Variants in DHRSX observed in about 807,000 individuals in gnomAD.
DHRSX encodes the protein dehydrogenase/reductase X-linked, also known as polyprenol dehydrogenase.
In DHRSX, 31 loss-of-function variants were observed where a neutral mutation model predicts 34.0. That is an observed-to-expected ratio of 0.91 (90% CI 0.69 to 1.23). The LOEUF (loss-of-function observed/expected upper bound fraction) is 1.23. Ranked by LOEUF, DHRSX falls within the 50% of genes most tolerant of loss-of-function variation. The probability of loss-of-function intolerance (pLI) is 0.00; values close to 1 mark genes in which losing one functional copy is unlikely to be tolerated. For synonymous variants in DHRSX, 201 were observed against 183.8 expected (o/e 1.09, Z -0.76); for missense variants, 414 against 428.1 (o/e 0.97, Z 0.29).
At chrX:2,253,243 C>T (rs750007697) in intron 5 of DHRSX, among the ~76,000 whole-genome samples, 1 of 151,784 alleles carries the variant, frequency 6.6e-6, no homozygotes, top group African/African-American at 2.4e-5. Flanking sequence ...GATGGCGCCA[C>T]GGCACTCCAG....
At chrX:2,365,870 C>T (rs913394325) in intron 3 of DHRSX, among the ~76,000 whole-genome samples, 13 of 151,966 alleles carry the variant, frequency 8.6e-5, no homozygotes, top group African/African-American at 2.4e-4. Flanking sequence ...ACCTAGATGA[C>T]GGGTTGATAG....
chrX:2,327,369 T>C (rs886912768), intron 3 of DHRSX, among the ~76,000 whole-genome samples: 1 of 152,194 alleles, frequency 6.6e-6, no homozygotes, highest in Non-Finnish European at 1.5e-5. Flanking sequence ...ACGAGATGCC[T>C]CAAGGGAGGC....
At chrX:2,322,115 AC>A (rs991661907) in intron 3 of DHRSX, among the ~76,000 whole-genome samples, 9 of 132,488 alleles carry the variant, frequency 6.8e-5, no homozygotes, top group East Asian at 2.5e-4. Flanking sequence ...TTTATCCCTC[AC>A]CCCCCTCCCA....
intron 3 of DHRSX, among the ~76,000 whole-genome samples, chrX:2,313,999 C>G (rs2042195118): frequency 6.6e-6 from 1 of 151,694 alleles, no homozygotes. Context: ...AAGGAAATGT[C>G]CAGGTGGAGA....
intron 1 of DHRSX, among the ~76,000 whole-genome samples, chrX:2,473,918 G>A (rs137865751): frequency 0.028 from 4,147 of 148,164 alleles, 88 homozygotes; most frequent in Admixed American, 0.053. Flanking sequence ...TTGGTATCAA[G>A]CGTGTAGGGG....
chrX:2,312,572 C>CGGGGAATG (rs2124519485), intron 3 of DHRSX, among the ~76,000 whole-genome samples: 1 of 151,332 alleles, frequency 6.6e-6, no homozygotes, highest in East Asian at 1.9e-4. Context: ...AGGGGTCTTT[C>CGGGGAATG]GGGGACTGGG....
chrX:2,238,744 C>T (rs1161675435), intron 6 of DHRSX, among the ~76,000 whole-genome samples: 11 of 147,008 alleles, frequency 7.5e-5, no homozygotes, highest in African/African-American at 2.0e-4. Flanking sequence ...CCACCACACT[C>T]GGCTAATTTT....
At chrX:2,406,602 G>A (rs1184521692) in intron 3 of DHRSX, among the ~76,000 whole-genome samples, 2 of 151,756 alleles carry the variant, frequency 1.3e-5, no homozygotes, top group South Asian at 2.1e-4. Context: ...CACCACGCTC[G>A]GCTAATTTTT....
intron 3 of DHRSX, among the ~76,000 whole-genome samples, chrX:2,404,374 T>C (rs1192853721): frequency 1.3e-5 from 2 of 152,132 alleles, no homozygotes; most frequent in Non-Finnish European, 2.9e-5. Context: ...AGGGCCAAGG[T>C]GGCAGGGAAT....
At position 2,259,389 on chromosome X, in the gene DHRSX, T is replaced by G. The variant is rs868170326; in HGVS notation, c.596+7351A>C. 6.3e-4 allele frequency among the ~76,000 whole-genome samples: 38 copies of G among 60,044 alleles called. 1 individual carries two copies. Among genetic ancestry groups the G allele is most frequent in the Admixed American group, 3.2e-4 (2 of 6,240 alleles). The allele number at this position is 60,044 out of a possible 152,430, so 39.4% of individuals were successfully genotyped here. On this transcript the variant is annotated intron_variant, in intron 5 of 6. Coordinates refer to ENST00000334651, the MANE Select transcript of DHRSX (RefSeq NM_145177.3). ...AGATATATATAGATATATATATAGA[T>G]ATATAGATATATATATAGATATAGA...
chrX:2,392,827 A>G (rs1450564202), intron 3 of DHRSX, among the ~76,000 whole-genome samples: 1 of 141,268 alleles, frequency 7.1e-6, no homozygotes, highest in African/African-American at 2.5e-5. Context: ...TGACACAAAT[A>G]TAATTTATAG....
chrX:2,226,608 G>T (rs1343287705), intron 6 of DHRSX, among the ~76,000 whole-genome samples: 1 of 152,054 alleles, frequency 6.6e-6, no homozygotes, highest in Non-Finnish European at 1.5e-5. Context: ...AGACCATCCT[G>T]GCTAACACAG....
chrX:2,405,230 G>A (rs983082235), intron 3 of DHRSX, among the ~76,000 whole-genome samples: 2 of 151,758 alleles, frequency 1.3e-5, no homozygotes, highest in Non-Finnish European at 2.9e-5. Flanking sequence ...GGCTCACACC[G>A]GTCATCTCAG....
intron 4 of DHRSX, among the ~76,000 whole-genome samples, chrX:2,275,863 G>C (rs1039268264): frequency 6.6e-6 from 1 of 150,976 alleles, no homozygotes; most frequent in Non-Finnish European, 1.5e-5. Context: ...TTTTATTTTT[G>C]AGATGGAGTC....
At chrX:2,457,787 G>A (rs1373510532) in intron 1 of DHRSX, among the ~76,000 whole-genome samples, 2 of 151,156 alleles carry the variant, frequency 1.3e-5, no homozygotes, top group African/African-American at 2.4e-5. Context: ...TGTGGCCCAA[G>A]GGACAGCCAC....
intron 3 of DHRSX, among the ~76,000 whole-genome samples, chrX:2,403,041 C>A (rs2089317699): frequency 2.0e-5 from 3 of 152,006 alleles, no homozygotes; most frequent in South Asian, 2.1e-4. Flanking sequence ...CACCACCACG[C>A]CCGGCTAATT....
chrX:2,291,677 A>C, intron 3 of DHRSX, 74 bp from the exon 4 acceptor site: 1 of 1,112,444 alleles, frequency 9.0e-7, no homozygotes, highest in East Asian at 2.3e-5. Context: ...ATTTCTAAAC[A>C]GGTCAAACTC....
chrX:2,265,543 C>T (rs1462106690), intron 5 of DHRSX, among the ~76,000 whole-genome samples: 6 of 126,884 alleles, frequency 4.7e-5, no homozygotes, highest in African/African-American at 1.3e-4. Context: ...GGAGCACTGT[C>T]CCCAGAGCAC....
At chrX:2,307,966 C>CA (rs1259212269) in intron 3 of DHRSX, among the ~76,000 whole-genome samples, 4 of 151,978 alleles carry the variant, frequency 2.6e-5, no homozygotes, top group Admixed American at 6.6e-5. Flanking sequence ...TTTCCCAGGG[C>CA]ACCATGAGAG....
Sources: allele counts gnomAD v4.1 joint callset (sites outside exome capture counted in the v4.1 genomes callset), GRCh38; gene constraint gnomAD v4.1.1; transcripts MANE v1.5; gene names NCBI Gene and HGNC (gene_info 2026-07-23, HGNC 2026-07-21).